The following PIK3CA variants were observed in gnomAD, a reference collection of about 807,000 sequenced individuals.
The protein encoded by PIK3CA is phosphatidylinositol 4,5-bisphosphate 3-kinase catalytic subunit alpha isoform.
PIK3CA carries 27 observed loss-of-function variants against 138.2 expected under a neutral mutation model. The ratio of observed to expected loss-of-function variants is 0.20; its 90% confidence interval spans 0.14 to 0.27. The LOEUF is 0.27. Among genes scored for constraint, PIK3CA ranks in the 10% least tolerant of loss-of-function variants. The pLI is 1.00. For missense variants in PIK3CA, 544 were observed against 1,277.4 expected, an observed-to-expected ratio of 0.43 and a Z score of 8.75; for synonymous variants, 358 against 413.2, an observed-to-expected ratio of 0.87 and a Z score of 1.62.
At chr3:179,187,002 A>G (rs1486555752) in intron 1 of PIK3CA, among the ~76,000 whole-genome samples, 2 of 152,120 alleles carry the variant, frequency 1.3e-5, no homozygotes, top group Non-Finnish European at 2.9e-5. Context: ...TCTTTATGCA[A>G]AAGATGCTAT....
chr3:179,219,054 C>G lies in PIK3CA; in HGVS notation c.1665-142C>G, dbSNP rs1458049904. The G allele has an allele frequency of 2.2e-5, 12 of 549,586 alleles. No individual in the cohort carries two copies. Among genetic ancestry groups the G allele is most frequent in the Non-Finnish European group, 3.3e-5 (10 of 302,764 alleles). The allele number at this position is 549,586 out of a possible 1,614,324, so 34.0% of individuals were successfully genotyped here. A position where few individuals can be genotyped will look rare whatever the true frequency, so the allele number is the denominator to read the frequency against. On this transcript the variant is annotated intron_variant, in intron 10 of 20. Transcript: ENST00000263967. This position sits in a 1 kb window ranked among gnomAD's most constrained non-coding sequence, Gnocchi z 4.2. The stretch of plus-strand genomic sequence containing the variant: ...ATATTTCCAACTATAGTGTTAAACA[C>G]TGATGTCTTTTGAATTTTAAAAAAG...
intron 1 of PIK3CA, among the ~76,000 whole-genome samples, chr3:179,161,741 C>A (rs1324198121): frequency 1.3e-5 from 2 of 152,130 alleles, no homozygotes; most frequent in Non-Finnish European, 2.9e-5. Context: ...CCAGTGGTCA[C>A]AGGACCAGAT....
chr3:179,200,043 G>A (rs1206147739), intron 3 of PIK3CA, 144 bp downstream of exon 3: 2 of 506,508 alleles, frequency 3.9e-6, no homozygotes, highest in Non-Finnish European at 3.5e-6. Context: ...ACAAGATATA[G>A]TTGAGTGCTA....
intron 1 of PIK3CA, among the ~76,000 whole-genome samples, chr3:179,189,510 A>G (rs1724074140): frequency 6.6e-6 from 1 of 152,126 alleles, no homozygotes; most frequent in Non-Finnish European, 1.5e-5. Flanking sequence ...TTTTAACCCA[A>G]CCTTGGTCAC....
Position 179,219,072 on chromosome 3 carries a change from T to TTAAA in PIK3CA, c.1665-124_1665-123insTAAA. The TTAAA allele has an allele frequency of 1.8e-6, 1 of 565,874 alleles. No homozygotes were observed. Among genetic ancestry groups the TTAAA allele is most frequent in the East Asian group, 2.9e-5 (1 of 34,688 alleles). 35.1% of individuals were successfully genotyped at this position (565,874 alleles called of 1,614,324 possible). A position where few individuals can be genotyped will look rare whatever the true frequency, so the allele number is the denominator to read the frequency against. ...TTAAACACTGATGTCTTTTGAATTT[T>TTAAA]AAAAAAGCTAGTAATGTAAGAAGTT... On this transcript the variant is annotated intron_variant, in intron 10 of 20. Transcript: ENST00000263967. The surrounding 1 kb of genome is among the most constrained non-coding windows in gnomAD (Gnocchi z 4.2).
At chr3:179,213,719 CAA>C (rs1328902437) in intron 9 of PIK3CA, among the ~76,000 whole-genome samples, 1 of 152,218 alleles carries the variant, frequency 6.6e-6, no homozygotes, top group African/African-American at 2.4e-5. Context: ...TAGCCCCTAA[CAA>C]GAGAGTCAGC....
chr3:179,149,404 T>C (rs1469631299), intron 1 of PIK3CA: 1 of 152,144 alleles, frequency 6.6e-6, no homozygotes, highest in African/African-American at 2.4e-5. Context: ...GAGGGGTTTA[T>C]TTTAGGATGC....
In PIK3CA at chr3:179,219,163, A is replaced by AATGTTT. The variant is rs1393684420; in HGVS notation, c.1665-24_1665-19dup. 93 of 1,314,742 alleles carry AATGTTT rather than the reference A, an allele frequency of 7.1e-5. No individual in the cohort carries two copies. The East Asian group carries it at 2.2e-3, about 30-fold the overall frequency. The allele number at this position is 1,314,742 out of a possible 1,614,324, so 81.4% of individuals were successfully genotyped here. A position where few individuals can be genotyped will look rare whatever the true frequency, so the allele number is the denominator to read the frequency against. ...GTCAACCTTTTGAACAGCATGCAAGAATGTTTATGTTTATTTTGTTTCTCC... is the reference window on the plus strand; with the variant it reads ...GTCAACCTTTTGAACAGCATGCAAGAATGTTTATGTTTATGTTTATTTTGTTTCTCC... On this transcript the variant is annotated intron_variant, in intron 10 of 20. Transcript: ENST00000263967. This position sits in a 1 kb window ranked among gnomAD's most constrained non-coding sequence, Gnocchi z 4.2.
chr3:179,229,453 T>G lies in PIK3CA; in HGVS notation c.2666+11T>G, dbSNP rs201113847. On this transcript the variant is annotated intron_variant, in intron 18 of 20. Coordinates refer to ENST00000263967, the MANE Select transcript of PIK3CA (RefSeq NM_006218.4). ...GAACAAAGGAGAAATGTGAGTTGTA[T>G]TATTCTTTCTTCCTATGTTAATCTA... The G allele has an allele frequency of 4.4e-4, 710 of 1,598,264 alleles. 2 individuals are homozygous for G. The highest frequency in any genetic ancestry group is 5.8e-4 in the Non-Finnish European group (678 of 1,171,546).
intron 1 of PIK3CA, among the ~76,000 whole-genome samples, chr3:179,187,872 T>C (rs929728986): frequency 1.3e-5 from 2 of 151,954 alleles, no homozygotes; most frequent in Non-Finnish European, 2.9e-5. Context: ...CTCCTGACCT[T>C]GTGATCCGCC....
chr3:179,220,545 GA>G lies in PIK3CA; in HGVS notation c.2016-440del, dbSNP rs1157041083. On this transcript the variant is annotated intron_variant, in intron 13 of 20. Transcript: ENST00000263967. This position sits in a 1 kb window ranked among gnomAD's most constrained non-coding sequence, Gnocchi z 4.1. ...ATAACTTTTCATAAATTTAGAAGCA[GA>G]TTTATATCTAATATGATATTTTAAG... Among the ~76,000 whole-genome samples the G allele has an allele frequency of 6.6e-6, 1 of 152,102 alleles. No individual in the cohort carries two copies. Among genetic ancestry groups the G allele is most frequent in the Non-Finnish European group, 1.5e-5 (1 of 68,010 alleles).
chr3:179,170,870 TTC>T (rs1242144650), intron 1 of PIK3CA, among the ~76,000 whole-genome samples: 1 of 152,202 alleles, frequency 6.6e-6, no homozygotes, highest in Admixed American at 6.5e-5. Context: ...TTTAATACTC[TTC>T]TCTCAACAGT....
chr3:179,214,280 A>G (rs1724788006), intron 9 of PIK3CA, among the ~76,000 whole-genome samples: 1 of 152,144 alleles, frequency 6.6e-6, no homozygotes, highest in South Asian at 2.1e-4. Flanking sequence ...TAACATTTCT[A>G]GCTTTTGATG....
At chr3:179,232,990 T>G (rs1408110281) in intron 20 of PIK3CA, among the ~76,000 whole-genome samples, 1 of 152,150 alleles carries the variant, frequency 6.6e-6, no homozygotes, top group African/African-American at 2.4e-5. Flanking sequence ...TCCAAGTAGC[T>G]GGGATTACAG....
intron 1 of PIK3CA, among the ~76,000 whole-genome samples, chr3:179,163,374 T>C (rs1305150091): frequency 3.9e-5 from 6 of 152,150 alleles, no homozygotes; most frequent in South Asian, 4.1e-4. Flanking sequence ...TCAAATAAGA[T>C]TGGGGCATGG....
intron 1 of PIK3CA, among the ~76,000 whole-genome samples, chr3:179,162,824 T>C (rs987267029): frequency 1.3e-5 from 2 of 151,926 alleles, no homozygotes; most frequent in Admixed American, 6.6e-5. Flanking sequence ...CCAGTTTTCC[T>C]CATTAAATTA....
At chr3:179,205,057 TTAGC>T (rs1351837385) in intron 6 of PIK3CA, among the ~76,000 whole-genome samples, 1 of 104,360 alleles carries the variant, frequency 9.6e-6, no homozygotes, top group East Asian at 2.8e-4. Flanking sequence ...AAAAAAAAAA[TTAGC>T]TAGGCACAGT....
intron 1 of PIK3CA, among the ~76,000 whole-genome samples, chr3:179,167,532 T>A (rs1386733538): frequency 6.6e-6 from 1 of 152,176 alleles, no homozygotes; most frequent in Admixed American, 6.5e-5. Flanking sequence ...ATATAATTAC[T>A]TTTTAAATTG....
chr3:179,185,837 A>G (rs1312660100), intron 1 of PIK3CA, among the ~76,000 whole-genome samples: 1 of 152,208 alleles, frequency 6.6e-6, no homozygotes, highest in Non-Finnish European at 1.5e-5. Flanking sequence ...CTCTGTGGAC[A>G]CACCACCTTC....
Sources: gnomAD v4.1 joint callset for allele counts (sites outside exome capture counted in the v4.1 genomes callset) on GRCh38, gnomAD v4.1.1 for gene constraint, Gnocchi (gnomAD v3.1) non-coding constraint, MANE v1.5 for transcripts, NCBI Gene and HGNC (gene_info 2026-07-23, HGNC 2026-07-21) for gene names.